The following RINT1 variants were observed in gnomAD, a reference collection of about 807,000 sequenced individuals.
RINT1 encodes the protein RAD50 interactor 1.
In RINT1, 75 loss-of-function variants were observed where a neutral mutation model predicts 97.7. That is an observed-to-expected ratio of 0.77 (90% confidence interval 0.64 to 0.93). RINT1 has a LOEUF of 0.93. Ranked by LOEUF, RINT1 falls within the 40% of genes least tolerant of loss-of-function variation. The pLI is 0.00. For missense variants in RINT1, 892 were observed against 925.2 expected, an observed-to-expected ratio of 0.96 and a Z score of 0.47; for synonymous variants, 303 against 326.3, an observed-to-expected ratio of 0.93 and a Z score of 0.77.
Position 105,532,810 on chromosome 7 carries a change from T to C in RINT1, c.43-14T>C. 1 of 1,613,882 alleles carries C rather than the reference T, an allele frequency of 6.2e-7. No individual in the cohort carries two copies. On this transcript the variant is annotated splice_polypyrimidine_tract_variant and intron_variant, in intron 1 of 14. Transcript: ENST00000257700. ...TTAATCTTAATGTGCTTGTCACATC[T>C]GTTCTTCTTCTAGTGCTGCTCTGAA... is the stretch of plus-strand genomic sequence containing the variant.
At chr7:105,532,550 G>T (rs1790076742) in intron 1 of RINT1, among the ~76,000 whole-genome samples, 193 bp downstream of exon 1, 1 of 152,200 alleles carries the variant, frequency 6.6e-6, no homozygotes. Flanking sequence ...TGGCGGCCCT[G>T]GTGAGATGAC....
intron 11 of RINT1, among the ~76,000 whole-genome samples, chr7:105,562,894 T>G (rs1562859275): frequency 6.6e-6 from 1 of 151,972 alleles, no homozygotes; most frequent in Non-Finnish European, 1.5e-5. Context: ...CAGAGCGAGA[T>G]TCCGTCTCAA....
chr7:105,553,975 C>T (rs533951268), intron 10 of RINT1, among the ~76,000 whole-genome samples: 82 of 146,246 alleles, frequency 5.6e-4, no homozygotes, highest in Admixed American at 1.4e-3. Context: ...CTCAGCTCAC[C>T]GCAAGCTCTG....
intron 11 of RINT1, among the ~76,000 whole-genome samples, chr7:105,560,964 G>A (rs895198044): frequency 6.6e-5 from 10 of 151,960 alleles, no homozygotes; most frequent in South Asian, 6.2e-4. Flanking sequence ...CAAGTGATCC[G>A]CCGCCCCGGG....
At chr7:105,538,646 T>A (rs1191471781) in intron 3 of RINT1, among the ~76,000 whole-genome samples, 1 of 152,232 alleles carries the variant, frequency 6.6e-6, no homozygotes, top group Admixed American at 6.5e-5. Flanking sequence ...TTCTTTCAGA[T>A]TCTGTTTGAG....
intron 11 of RINT1, among the ~76,000 whole-genome samples, chr7:105,560,451 T>A (rs1192776816): frequency 6.6e-6 from 1 of 151,872 alleles, no homozygotes; most frequent in Non-Finnish European, 1.5e-5. Context: ...CAAAAAGATA[T>A]GGGGCGGGGG....
chr7:105,563,424 G>A (rs1586265993), intron 11 of RINT1, among the ~76,000 whole-genome samples: 1 of 152,166 alleles, frequency 6.6e-6, no homozygotes, highest in Non-Finnish European at 1.5e-5. Context: ...GCAGAGGCAT[G>A]ATCTCGGCTC....
intron 10 of RINT1, among the ~76,000 whole-genome samples, chr7:105,554,252 C>T (rs965444464): frequency 6.1e-5 from 9 of 147,616 alleles, no homozygotes; most frequent in African/African-American, 2.3e-4. Context: ...CCAGGATGGT[C>T]TTGATCTCCT....
At position 105,547,022 on chromosome 7, in the gene RINT1, C is replaced by G. The variant is rs1393602613; in HGVS notation, c.628C>G (p.Leu210Val). The G allele has an allele frequency of 3.7e-6, 6 of 1,613,898 alleles. No individual in the cohort carries two copies. The highest frequency in any genetic ancestry group is 5.1e-6 in the Non-Finnish European group (6 of 1,179,936). ...KLQESSCTHLLGFMRATVKFW... is the reference protein window; with the variant it reads ...KLQESSCTHLVGFMRATVKFW... ...TCAGGAATCATCTTGTACTCATCTTCTTGGTTTCATGAGAGCCACAGTTAA... is the reference window on the plus strand; with the variant it reads ...TCAGGAATCATCTTGTACTCATCTTGTTGGTTTCATGAGAGCCACAGTTAA... The change falls in exon 5 of 15, where the codon CTT (leucine) becomes GTT (valine). Residue 210 changes from leucine to valine, a missense_variant. Leu to Val is a conservative substitution (Grantham distance 32). Transcript: ENST00000257700.
At chr7:105,544,785 G>A (rs1020640141) in intron 4 of RINT1, among the ~76,000 whole-genome samples, 3 of 152,068 alleles carry the variant, frequency 2.0e-5, no homozygotes, top group South Asian at 2.1e-4. Context: ...ATATGCCGAG[G>A]GATTTATATT....
At chr7:105,564,855 A>C (rs2133470666) in intron 12 of RINT1, among the ~76,000 whole-genome samples, 1 of 152,148 alleles carries the variant, frequency 6.6e-6, no homozygotes, top group East Asian at 1.9e-4. Flanking sequence ...TTCAAAGATT[A>C]GCTGGGCGTG....
At chr7:105,554,144 C>T (rs1036096754) in intron 10 of RINT1, among the ~76,000 whole-genome samples, 9 of 151,270 alleles carry the variant, frequency 5.9e-5, no homozygotes, top group Non-Finnish European at 1.2e-4. Context: ...GTGATCCACC[C>T]GCCTCAGCCT....
intron 3 of RINT1, 132 bp from the exon 4 acceptor site, chr7:105,542,276 A>G: frequency 3.0e-6 from 2 of 660,490 alleles, no homozygotes; most frequent in Non-Finnish European, 5.1e-6. Context: ...TCCAGGCTGC[A>G]GTGAGCTATG....
intron 9 of RINT1, among the ~76,000 whole-genome samples, chr7:105,551,055 G>A (rs1790903756): frequency 1.3e-5 from 2 of 151,992 alleles, no homozygotes; most frequent in Non-Finnish European, 2.9e-5. Flanking sequence ...TTGAGATAGG[G>A]TCTCACTTTG....
At chr7:105,535,229 C>CTTTTTTTTTTT (rs57647904) in intron 2 of RINT1, among the ~76,000 whole-genome samples, 2 of 129,416 alleles carry the variant, frequency 1.5e-5, no homozygotes, top group African/African-American at 5.8e-5. Context: ...GCTTAAAAAC[C>CTTTTTTTTTTT]TTTTTTTTTT....
intron 3 of RINT1, among the ~76,000 whole-genome samples, chr7:105,540,925 C>T (rs1302223070): frequency 6.7e-6 from 1 of 150,318 alleles, no homozygotes; most frequent in East Asian, 2.0e-4. Flanking sequence ...GCAACCTCTG[C>T]CTCCCGGGTT....
chr7:105,567,400 A>T lies in RINT1; in HGVS notation c.*89A>T. 1.1e-6 allele frequency: 1 copy of T among 906,670 alleles called. No homozygotes were observed. Among genetic ancestry groups the T allele is most frequent in the Non-Finnish European group, 1.7e-6 (1 of 576,484 alleles). 56.2% of individuals were successfully genotyped at this position (906,670 alleles called of 1,614,324 possible). A position where few individuals can be genotyped will look rare whatever the true frequency, so the allele number is the denominator to read the frequency against. ...AAGTTATATGATGAAATTCTGAATT[A>T]ATGAAACTGGAAAACTTTATAGAAT... On this transcript the variant is annotated 3_prime_UTR_variant, in exon 15 of 15. Transcript: ENST00000257700.
chr7:105,544,147 G>C (rs1440363141), intron 4 of RINT1, among the ~76,000 whole-genome samples: 1 of 151,446 alleles, frequency 6.6e-6, no homozygotes, highest in African/African-American at 2.4e-5. Context: ...GCATGTATGA[G>C]GAGTTTTACA....
rs1411556141 is a variant in RINT1, at chr7:105,545,953, A to G, written c.516-957A>G. 3.1e-5 allele frequency among the ~76,000 whole-genome samples: 4 copies of G among 130,406 alleles called. No homozygotes were observed. In the East Asian group the frequency reaches 7.4e-4, roughly 24 times the overall value. The allele number at this position is 130,406 out of a possible 152,430, so 85.6% of individuals were successfully genotyped here. On this transcript the variant is annotated intron_variant, in intron 4 of 14. Coordinates refer to ENST00000257700, the MANE Select transcript of RINT1 (RefSeq NM_021930.6). Reference sequence around the variant, plus strand: ...CGAGTAGCTGGGATTACAGGTGCCCACCACCATGCCTGGCTAGTTTTTATA... The same window carrying G: ...CGAGTAGCTGGGATTACAGGTGCCCGCCACCATGCCTGGCTAGTTTTTATA...
Sources: allele counts gnomAD v4.1 joint callset (sites outside exome capture counted in the v4.1 genomes callset), GRCh38; gene constraint gnomAD v4.1.1; transcripts MANE v1.5; gene names NCBI Gene and HGNC (gene_info 2026-07-23, HGNC 2026-07-21).